Variants in SLC30A8 observed in about 807,000 individuals in gnomAD.
The protein encoded by SLC30A8 is solute carrier family 30 member 8.
A neutral mutation model predicts 36.9 loss-of-function variants in SLC30A8; 27 were observed. That is an observed-to-expected ratio of 0.73 (90% confidence interval 0.54 to 1.01). The LOEUF is 1.01. SLC30A8 is among the 50% of genes least tolerant of loss of function. The pLI is 0.00. For synonymous variants in SLC30A8, 164 were observed against 172.4 expected, an observed-to-expected ratio of 0.95 and a Z score of 0.38; for missense variants, 439 against 452.0, an observed-to-expected ratio of 0.97 and a Z score of 0.26.
chr8:117,024,148 A>G (rs1487333046), intron 1 of SLC30A8, among the ~76,000 whole-genome samples: 2 of 152,220 alleles, frequency 1.3e-5, no homozygotes, highest in Non-Finnish European at 2.9e-5. Context: ...TGTTTATCTG[A>G]TAAAACTACC....
At chr8:116,966,004 C>A (rs1814588164) in intron 1 of SLC30A8, among the ~76,000 whole-genome samples, 1 of 151,830 alleles carries the variant, frequency 6.6e-6, no homozygotes, top group African/African-American at 2.4e-5. Flanking sequence ...CTGCCTCAGC[C>A]TTCCAAGTAG....
intron 5 of SLC30A8, among the ~76,000 whole-genome samples, chr8:117,163,185 A>G (rs1432848306): frequency 2.0e-5 from 3 of 152,202 alleles, no homozygotes; most frequent in Admixed American, 2.0e-4. Context: ...TTTAGTTCTT[A>G]AATTATGGGG....
chr8:116,981,038 C>T (rs1466287129), intron 1 of SLC30A8, among the ~76,000 whole-genome samples: 1 of 152,178 alleles, frequency 6.6e-6, no homozygotes, highest in Non-Finnish European at 1.5e-5. Context: ...CAAATTCAGG[C>T]AGGGCCCATG....
chr8:117,130,120 A>G (rs1050572057), upstream of SLC30A8: 1 of 152,006 alleles, frequency 6.6e-6, no homozygotes, highest in Non-Finnish European at 1.5e-5. Flanking sequence ...ACTGGAAGCA[A>G]ATTCACTAAT....
chr8:117,124,031 C>G (rs923464283), intron 2 of SLC30A8, among the ~76,000 whole-genome samples: 3 of 151,518 alleles, frequency 2.0e-5, no homozygotes, highest in African/African-American at 7.2e-5. Context: ...AGGCTCTTGA[C>G]AGGAGATGTC....
chr8:117,088,228 C>T (rs541806824), intron 2 of SLC30A8, among the ~76,000 whole-genome samples: 1 of 152,240 alleles, frequency 6.6e-6, no homozygotes, highest in South Asian at 2.1e-4. Flanking sequence ...CCCCCTGACC[C>T]TATGATTGTT....
intron 6 of SLC30A8, among the ~76,000 whole-genome samples, chr8:117,167,857 A>ATAAAGACATACCTGAGACTGGGTAAT (rs1435073478): frequency 2.7e-4 from 41 of 152,170 alleles, no homozygotes; most frequent in Non-Finnish European, 4.9e-4. Flanking sequence ...TTCACTGCTC[A>ATAAAGACATACCTGAGACTGGGTAAT]TAAAGACATA....
At chr8:117,147,456 T>C (rs1821950052) in intron 2 of SLC30A8, 2 of 266,886 alleles carry the variant, frequency 7.5e-6, no homozygotes, top group East Asian at 8.0e-5. Context: ...CTTTTGACCA[T>C]ACTGTCAAAT....
chr8:116,967,224 AAC>A (rs1272394551), intron 1 of SLC30A8, among the ~76,000 whole-genome samples: 1 of 152,222 alleles, frequency 6.6e-6, no homozygotes, highest in Non-Finnish European at 1.5e-5. Context: ...TAAATTTAAA[AAC>A]ACAAACAAAA....
chr8:117,103,499 G>A (rs1364167834), intron 2 of SLC30A8, among the ~76,000 whole-genome samples: 1 of 152,082 alleles, frequency 6.6e-6, no homozygotes, highest in Non-Finnish European at 1.5e-5. Context: ...GTTTGAGACA[G>A]GGTCTCACTC....
chr8:116,965,520 T>G (rs1038556438), intron 1 of SLC30A8, among the ~76,000 whole-genome samples: 3 of 152,238 alleles, frequency 2.0e-5, no homozygotes, highest in East Asian at 3.8e-4. Flanking sequence ...CTGCTGAGGT[T>G]GTTCTGTTCT....
intron 2 of SLC30A8, among the ~76,000 whole-genome samples, chr8:117,074,775 G>T (rs899338512): frequency 6.6e-6 from 1 of 152,134 alleles, no homozygotes; most frequent in Non-Finnish European, 1.5e-5. Context: ...CAGAAATCTA[G>T]TAATACCCTT....
At chr8:117,094,963 TG>T (rs1819295413) in intron 2 of SLC30A8, among the ~76,000 whole-genome samples, 1 of 152,218 alleles carries the variant, frequency 6.6e-6, no homozygotes. Context: ...TGACAGCACC[TG>T]GGTGTGGCCC....
At position 116,992,420 on chromosome 8, in the gene SLC30A8, G is replaced by A. The variant is rs117530052; in HGVS notation, c.-266+41301G>A. On this transcript the variant is annotated intron_variant, in intron 1 of 10. Coordinates refer to the SLC30A8 transcript ENST00000427715. ...GAAGCATAGGGCCAAGATTCAATAG[G>A]CAAAGAATGTACACGATGAGCCCTA... Among the ~76,000 whole-genome samples, 16 of 152,214 alleles carry A rather than the reference G, an allele frequency of 1.1e-4. No individual in the cohort carries two copies. The East Asian group carries it at 2.7e-3, about 26-fold the overall frequency.
At chr8:117,062,244 G>T (rs1345199454) in intron 2 of SLC30A8, among the ~76,000 whole-genome samples, 1 of 152,144 alleles carries the variant, frequency 6.6e-6, no homozygotes, top group Non-Finnish European at 1.5e-5. Flanking sequence ...GTGTTAGTTA[G>T]GTTGTTCTTG....
chr8:117,026,400 C>T (rs150475668), intron 1 of SLC30A8, among the ~76,000 whole-genome samples: 6 of 152,188 alleles, frequency 3.9e-5, no homozygotes, highest in African/African-American at 7.2e-5. Context: ...TCAGCAGAAA[C>T]GGCAAAGAGA....
chr8:117,132,644 G>T (rs1821182470), upstream of SLC30A8, among the ~76,000 whole-genome samples: 3 of 152,012 alleles, frequency 2.0e-5, no homozygotes, highest in Non-Finnish European at 4.4e-5. Context: ...TGCTTGTGGA[G>T]CCCAGTTAGG....
chr8:117,023,167 T>G (rs377544802), intron 1 of SLC30A8, among the ~76,000 whole-genome samples: 1 of 152,172 alleles, frequency 6.6e-6, no homozygotes, highest in African/African-American at 2.4e-5. Context: ...AAAACCACAA[T>G]GAGATACCAT....
At chr8:117,124,620 A>G (rs1383980024) in intron 2 of SLC30A8, among the ~76,000 whole-genome samples, 1 of 150,486 alleles carries the variant, frequency 6.6e-6, no homozygotes, top group East Asian at 2.0e-4. Flanking sequence ...CAATCTCAAA[A>G]GGGCAGAGAA....
Sources: allele counts gnomAD v4.1 joint callset (sites outside exome capture counted in the v4.1 genomes callset), GRCh38; gene constraint gnomAD v4.1.1; transcripts MANE v1.5; gene names NCBI Gene and HGNC (gene_info 2026-07-23, HGNC 2026-07-21).